The following CABP1 variants were observed in gnomAD, a reference collection of about 807,000 sequenced individuals.
The protein encoded by CABP1 is calcium-binding protein 1.
Under a neutral mutation model 34.3 loss-of-function variants are expected in CABP1, and 17 were observed. The ratio of observed to expected loss-of-function variants is 0.50; its 90% CI spans 0.34 to 0.74. The LOEUF is 0.74. Ranked by LOEUF, CABP1 falls within the 30% of genes least tolerant of loss-of-function variation. CABP1 has a pLI of 0.01. For synonymous variants in CABP1, 198 were observed against 229.2 expected (o/e 0.86, Z 1.23); for missense variants, 373 against 511.1 (o/e 0.73, Z 2.61).
chr12:120,674,938 A>T, the CABP1 span, among the ~76,000 whole-genome samples: 1 of 151,720 alleles, frequency 6.6e-6, no homozygotes, highest in African/African-American at 2.4e-5. Context: ...AATACCAAGC[A>T]TCTGGTTTCT....
intron 1 of CABP1, chr12:120,655,878 A>G (rs1412788252): frequency 1.3e-6 from 2 of 1,536,080 alleles, no homozygotes; most frequent in Non-Finnish European, 1.7e-6. Context: ...AGGGCATCAC[A>G]TTCAGCTCTC....
At chr12:120,671,560 G>A (rs1348477148), downstream of CABP1, among the ~76,000 whole-genome samples, 1 of 152,224 alleles carries the variant, frequency 6.6e-6, no homozygotes, top group Non-Finnish European at 1.5e-5. Flanking sequence ...CCATCCCTCC[G>A]CAGACCTTGG....
rs751072710 is a variant in CABP1 at position 120,666,941 on chromosome 12, CG to C, written c.*45del. 1.1e-3 allele frequency: 1,724 copies of C among 1,584,648 alleles called. 5 individuals are homozygous for C. Among genetic ancestry groups the C allele is most frequent in the Non-Finnish European group, 1.3e-3 (1,572 of 1,170,854 alleles). On this transcript the variant is annotated 3_prime_UTR_variant, in exon 6 of 6. Transcript: ENST00000316803. ...TCCAGGACTGCCAAGCTCCCAAAGG[CG>C]GGGCTAAGAGGAGCTAGAGCTTGCC... is the stretch of plus-strand genomic sequence containing the variant.
At chr12:120,646,208 C>T (rs1218985093) in intron 1 of CABP1, among the ~76,000 whole-genome samples, 1 of 152,222 alleles carries the variant, frequency 6.6e-6, no homozygotes, top group Non-Finnish European at 1.5e-5. Context: ...AAGCACCTCT[C>T]ACGTTACAGT....
chr12:120,665,910 T>C (rs1436683831), intron 5 of CABP1, among the ~76,000 whole-genome samples: 1 of 149,736 alleles, frequency 6.7e-6, no homozygotes, highest in East Asian at 2.0e-4. Context: ...CCCAGCTACT[T>C]GGGAGGCTGA....
intron 1 of CABP1, among the ~76,000 whole-genome samples, chr12:120,658,345 G>A (rs541988085): frequency 6.6e-6 from 1 of 151,980 alleles, no homozygotes; most frequent in Non-Finnish European, 1.5e-5. Context: ...TGATCCCCTC[G>A]CCTTGGCCTC....
chr12:120,650,016 T>C (rs1019741405), intron 1 of CABP1: 22 of 142,290 alleles, frequency 1.5e-4, no homozygotes, highest in Non-Finnish European at 2.3e-4. Flanking sequence ...TGTGCGCGCG[T>C]GTGTGTGTGC....
chr12:120,645,966 G>T (rs1879521192), intron 1 of CABP1, among the ~76,000 whole-genome samples: 1 of 152,198 alleles, frequency 6.6e-6, no homozygotes, highest in Non-Finnish European at 1.5e-5. Context: ...CAGGAGGATT[G>T]CTTGAGCCCA....
intron 1 of CABP1, among the ~76,000 whole-genome samples, chr12:120,647,002 G>C (rs556965302): frequency 6.6e-6 from 1 of 152,142 alleles, no homozygotes; most frequent in Non-Finnish European, 1.5e-5. Flanking sequence ...TCTTCAAAGT[G>C]TGTGATTTTT....
chr12:120,645,928 G>T (rs560362543), intron 1 of CABP1, among the ~76,000 whole-genome samples: 1 of 152,344 alleles, frequency 6.6e-6, no homozygotes, highest in Non-Finnish European at 1.5e-5. Flanking sequence ...GTTCACATCT[G>T]TAATTGCAGC....
intron 1 of CABP1, among the ~76,000 whole-genome samples, chr12:120,654,636 T>A (rs2137345682): frequency 6.7e-6 from 1 of 149,270 alleles, no homozygotes; most frequent in South Asian, 2.1e-4. Context: ...GTATGTAAGC[T>A]CCAGGCCGAA....
downstream of CABP1, among the ~76,000 whole-genome samples, chr12:120,671,423 T>C (rs959314270): frequency 2.6e-5 from 4 of 152,146 alleles, no homozygotes; most frequent in African/African-American, 7.2e-5. Context: ...GGGAATAGCA[T>C]ATGCAAAGGC....
chr12:120,671,455 G>A (rs577907216), downstream of CABP1, among the ~76,000 whole-genome samples: 1 of 152,236 alleles, frequency 6.6e-6, no homozygotes, highest in Non-Finnish European at 1.5e-5. Context: ...GGAGAGTGTG[G>A]CCCTTTTGGG....
Position 120,640,792 on chromosome 12 carries a change from G to T in CABP1, c.107G>T (p.Gly36Val). The part of the protein sequence containing the change: ...SRREPRSLPA[G>V]GPAPRRTAPP... Reference sequence around the variant, plus strand: ...CGGGAGCCCCGTTCTCTGCCCGCCGGGGGCCCCGCGCCGCGCCGCACCGCG... The same window carrying T: ...CGGGAGCCCCGTTCTCTGCCCGCCGTGGGCCCCGCGCCGCGCCGCACCGCG... The change falls in exon 1 of 6, where the codon GGG becomes GTG. Residue 36 changes from glycine to valine, a missense_variant. Physicochemically the swap from Gly to Val is moderately radical, Grantham distance 109. Around this residue, in one of 4 missense-constraint regions of CABP1, gnomAD observed 134 missense variants for 145.4 expected, o/e 0.92. Coordinates refer to ENST00000316803, the MANE Select transcript of CABP1 (RefSeq NM_001033677.2). This position sits in a 1 kb window ranked among gnomAD's most constrained non-coding sequence, Gnocchi z 6.2. The T allele has an allele frequency of 8.9e-7, 1 of 1,118,936 alleles. No individual in the cohort carries two copies. Among genetic ancestry groups the T allele is most frequent in the Non-Finnish European group, 1.1e-6 (1 of 917,038 alleles). The allele number at this position is 1,118,936 out of a possible 1,614,324, so 69.3% of individuals were successfully genotyped here. A position where few individuals can be genotyped will look rare whatever the true frequency, so the allele number is the denominator to read the frequency against.
intron 1 of CABP1, among the ~76,000 whole-genome samples, chr12:120,648,332 G>T (rs1879645284): frequency 6.6e-6 from 1 of 152,100 alleles, no homozygotes; most frequent in African/African-American, 2.4e-5. Flanking sequence ...CTGCCCACCT[G>T]CTAGAATGTA....
downstream of CABP1, among the ~76,000 whole-genome samples, chr12:120,668,121 A>G (rs1275785721): frequency 2.0e-5 from 3 of 152,236 alleles, no homozygotes; most frequent in African/African-American, 4.8e-5. Context: ...TAGGGAGGTC[A>G]GAAAAGGCTT....
chr12:120,677,730 T>C, the CABP1 span, among the ~76,000 whole-genome samples: 5 of 152,252 alleles, frequency 3.3e-5, no homozygotes, highest in East Asian at 3.9e-4. Flanking sequence ...ATCGTACTCA[T>C]TGCAACTCTA....
chr12:120,674,751 C>T, the CABP1 span, among the ~76,000 whole-genome samples: 2 of 151,960 alleles, frequency 1.3e-5, no homozygotes, highest in African/African-American at 2.4e-5. Flanking sequence ...ATTAGCTGGG[C>T]ATGGTGGTGC....
Position 120,660,078 on chromosome 12 carries a change from C to A in CABP1, c.686-118C>A. 1 of 1,392,800 alleles carries A rather than the reference C, an allele frequency of 7.2e-7. No individual in the cohort carries two copies. Among genetic ancestry groups the A allele is most frequent in the Non-Finnish European group, 9.9e-7 (1 of 1,006,340 alleles). The allele number at this position is 1,392,800 out of a possible 1,614,324, so 86.3% of individuals were successfully genotyped here. On this transcript the variant is annotated intron_variant, in intron 2 of 5. Transcript: ENST00000316803. This position sits in a 1 kb window ranked among gnomAD's most constrained non-coding sequence, Gnocchi z 5.0. ...ACAGGAGGCAAGAGAAATGCCCCAG[C>A]ATCCTGGGAAGCTCCTGGGCCTCTC...
Sources: gnomAD v4.1 joint callset for allele counts (sites outside exome capture counted in the v4.1 genomes callset) on GRCh38, gnomAD v4.1.1 for gene constraint, gnomAD v4.1.1 regional missense constraint, Gnocchi (gnomAD v3.1) non-coding constraint, MANE v1.5 for transcripts, NCBI Gene and HGNC (gene_info 2026-07-23, HGNC 2026-07-21) for gene names.